The following GPC5 variants were observed in gnomAD, a reference collection of about 807,000 sequenced individuals.
GPC5 encodes glypican 5, also known as glypican-5.
In GPC5, 47 loss-of-function variants were observed where a neutral mutation model predicts 53.9. The ratio of observed to expected loss-of-function variants is 0.87; its 90% CI spans 0.69 to 1.11. GPC5 has a LOEUF of 1.11. Ranked by LOEUF, GPC5 falls within the 50% of genes most tolerant of loss-of-function variation. The pLI is 0.00. For missense variants in GPC5, 748 were observed against 713.1 expected (o/e 1.05, Z -0.56); for synonymous variants, 286 against 263.3 (o/e 1.09, Z -0.84).
chr13:92,828,788 A>G (rs757610619), intron 7 of GPC5, among the ~76,000 whole-genome samples: 16 of 152,198 alleles, frequency 1.1e-4, no homozygotes, highest in Non-Finnish European at 2.4e-4. Context: ...TCATAAGCAC[A>G]GCATTACATG....
chr13:91,914,268 A>T (rs1482062816), intron 6 of GPC5, among the ~76,000 whole-genome samples: 1 of 152,206 alleles, frequency 6.6e-6, no homozygotes, highest in African/African-American at 2.4e-5. Flanking sequence ...TATGAAACAG[A>T]AAAAGTAATA....
chr13:92,270,485 G>A (rs950550266), intron 7 of GPC5, among the ~76,000 whole-genome samples: 40 of 152,166 alleles, frequency 2.6e-4, no homozygotes, highest in Admixed American at 2.6e-3. Context: ...GTAAGTTTGT[G>A]GAGGTCTCCT....
chr13:91,421,802 T>C (rs1207831610), intron 1 of GPC5, among the ~76,000 whole-genome samples: 3 of 152,130 alleles, frequency 2.0e-5, no homozygotes, highest in Non-Finnish European at 2.9e-5. Flanking sequence ...CATGAGACAA[T>C]AAGAGTGGAA....
At chr13:91,415,804 A>G (rs914745529) in intron 1 of GPC5, among the ~76,000 whole-genome samples, 6 of 152,196 alleles carry the variant, frequency 3.9e-5, no homozygotes, top group African/African-American at 1.4e-4. Context: ...AAATGTAAAG[A>G]TGTTGCTCAA....
At chr13:92,098,790 T>G (rs55658066) in intron 6 of GPC5, among the ~76,000 whole-genome samples, 16,771 of 152,148 alleles carry the variant, frequency 0.11, 1,175 homozygotes, top group Admixed American at 0.18. Context: ...TGATGCTTCC[T>G]TAGAGCCGCC....
intron 7 of GPC5, among the ~76,000 whole-genome samples, chr13:92,840,393 A>T (rs1194656784): frequency 6.6e-6 from 1 of 151,992 alleles, no homozygotes; most frequent in Non-Finnish European, 1.5e-5. Flanking sequence ...ATTGAGTGAC[A>T]TTAGCATTCC....
intron 7 of GPC5, among the ~76,000 whole-genome samples, chr13:92,406,778 TATG>T (rs1214861609): frequency 6.6e-6 from 1 of 152,192 alleles, no homozygotes; most frequent in Non-Finnish European, 1.5e-5. Flanking sequence ...GAGTACTCAA[TATG>T]ATAAGTAGTC....
chr13:92,053,796 G>T (rs574827279), intron 6 of GPC5, among the ~76,000 whole-genome samples: 68 of 151,922 alleles, frequency 4.5e-4, no homozygotes, highest in Non-Finnish European at 8.4e-4. Context: ...TTGGGAGGCC[G>T]AGGTGGGCGG....
chr13:91,748,977 G>T (rs2037111310), intron 4 of GPC5, among the ~76,000 whole-genome samples: 3 of 152,220 alleles, frequency 2.0e-5, no homozygotes, highest in Admixed American at 1.3e-4. Context: ...ATGGAATGAG[G>T]TTTAGGGGAA....
intron 7 of GPC5, among the ~76,000 whole-genome samples, chr13:92,243,569 G>A (rs1435086930): frequency 6.6e-6 from 1 of 152,010 alleles, no homozygotes; most frequent in Non-Finnish European, 1.5e-5. Flanking sequence ...GAAAGAAAGA[G>A]GAATCAAAAG....
chr13:92,355,397 T>A (rs916144125), intron 7 of GPC5, among the ~76,000 whole-genome samples: 3 of 152,174 alleles, frequency 2.0e-5, no homozygotes, highest in Admixed American at 2.0e-4. Context: ...CTGCAGACTC[T>A]GGCTTTATCG....
At chr13:91,524,016 A>C (rs1885966109) in intron 2 of GPC5, among the ~76,000 whole-genome samples, 1 of 152,030 alleles carries the variant, frequency 6.6e-6, no homozygotes, top group Non-Finnish European at 1.5e-5. Context: ...TTTTGTAATA[A>C]TGTGAATACT....
At chr13:92,082,702 A>G (rs2041306177) in intron 6 of GPC5, among the ~76,000 whole-genome samples, 1 of 152,214 alleles carries the variant, frequency 6.6e-6, no homozygotes, top group African/African-American at 2.4e-5. Context: ...TTTTCTCTAC[A>G]GAGTTTTATT....
intron 1 of GPC5, among the ~76,000 whole-genome samples, chr13:91,439,020 C>T (rs1048718420): frequency 1.3e-5 from 2 of 152,148 alleles, no homozygotes; most frequent in African/African-American, 4.8e-5. Flanking sequence ...AGAAATTACC[C>T]GTCTTCTGTG....
At chr13:92,085,131 TGGAG>T (rs960254983) in intron 6 of GPC5, among the ~76,000 whole-genome samples, 15 of 152,168 alleles carry the variant, frequency 9.9e-5, no homozygotes, top group African/African-American at 3.4e-4. Context: ...ACTATTGCAC[TGGAG>T]ATTAAGTTTC....
chr13:92,542,798 A>G (rs558683784), intron 7 of GPC5, among the ~76,000 whole-genome samples: 1 of 152,174 alleles, frequency 6.6e-6, no homozygotes, highest in South Asian at 2.1e-4. Flanking sequence ...AGTACTTTAA[A>G]TATATAATTC....
chr13:92,065,793 A>T (rs2041162926), intron 6 of GPC5, among the ~76,000 whole-genome samples: 1 of 152,154 alleles, frequency 6.6e-6, no homozygotes, highest in African/African-American at 2.4e-5. Flanking sequence ...TGTGATATTT[A>T]AATATTCAAA....
chr13:91,964,253 C>T (rs2040158393), intron 6 of GPC5, among the ~76,000 whole-genome samples: 1 of 152,150 alleles, frequency 6.6e-6, no homozygotes, highest in South Asian at 2.1e-4. Flanking sequence ...TTCTTGCAAA[C>T]AGTGAAAGAA....
intron 6 of GPC5, among the ~76,000 whole-genome samples, chr13:91,928,346 G>A (rs944503175): frequency 1.3e-5 from 2 of 152,176 alleles, no homozygotes; most frequent in Non-Finnish European, 2.9e-5. Flanking sequence ...GTCTCCATGG[G>A]ATGAAGCCAA....
Sources: gnomAD v4.1 joint callset for allele counts (sites outside exome capture counted in the v4.1 genomes callset) on GRCh38, gnomAD v4.1.1 for gene constraint, MANE v1.5 for transcripts, NCBI Gene and HGNC (gene_info 2026-07-23, HGNC 2026-07-21) for gene names.